ANO10: variants seen among roughly 807,000 people sequenced by gnomAD.
ANO10 encodes anoctamin-10.
ANO10 carries 77 observed loss-of-function variants against 74.7 expected under a neutral mutation model. The ratio of observed to expected loss-of-function variants is 1.03; its 90% CI spans 0.86 to 1.25. The LOEUF is 1.25. ANO10 is among the 50% of genes most tolerant of loss of function. ANO10 has a pLI of 0.00. For missense variants in ANO10, 721 were observed against 778.1 expected (o/e 0.93, Z 0.87); for synonymous variants, 279 against 284.9 (o/e 0.98, Z 0.21).
chr3:43,428,374 T>C (rs184501315), intron 12 of ANO10, among the ~76,000 whole-genome samples: 1 of 151,964 alleles, frequency 6.6e-6, no homozygotes, highest in African/African-American at 2.4e-5. Context: ...AATTCTCAGA[T>C]TGATAATTAA....
intron 1 of ANO10, among the ~76,000 whole-genome samples, chr3:43,682,395 C>T (rs529949975): frequency 6.6e-6 from 1 of 152,194 alleles, no homozygotes; most frequent in South Asian, 2.1e-4. Flanking sequence ...AGTTGAATCT[C>T]TGAATAGACC....
chr3:43,387,072 C>CA (rs1309084488), intron 12 of ANO10, among the ~76,000 whole-genome samples: 2 of 152,162 alleles, frequency 1.3e-5, no homozygotes, highest in African/African-American at 4.8e-5. Flanking sequence ...GTTGCACTGT[C>CA]AACATCACAG....
intron 11 of ANO10, among the ~76,000 whole-genome samples, chr3:43,448,389 T>C (rs961621093): frequency 6.6e-6 from 1 of 152,214 alleles, no homozygotes; most frequent in Non-Finnish European, 1.5e-5. Context: ...ACTGATCTTT[T>C]TACTGTCTCT....
chr3:43,415,521 T>C (rs2092724345), intron 12 of ANO10, among the ~76,000 whole-genome samples: 1 of 151,846 alleles, frequency 6.6e-6, no homozygotes, highest in African/African-American at 2.4e-5. Context: ...AAAATGACAG[T>C]TCTTATTTTT....
chr3:43,492,033 G>A (rs1419393685), intron 11 of ANO10, among the ~76,000 whole-genome samples: 1 of 152,030 alleles, frequency 6.6e-6, no homozygotes, highest in Non-Finnish European at 1.5e-5. Flanking sequence ...AAAGACCAAA[G>A]GTAGATAAAA....
intron 12 of ANO10, among the ~76,000 whole-genome samples, chr3:43,394,719 T>C (rs768307403): frequency 3.3e-5 from 5 of 152,180 alleles, no homozygotes; most frequent in Non-Finnish European, 7.3e-5. Flanking sequence ...GAAGGCCACC[T>C]TGAGCTGCCC....
At chr3:43,368,678 T>C (rs979403421) in intron 12 of ANO10, among the ~76,000 whole-genome samples, 3 of 151,960 alleles carry the variant, frequency 2.0e-5, no homozygotes, top group African/African-American at 7.3e-5. Context: ...GTAAGACTTT[T>C]AAAATGTCTT....
chr3:43,431,141 T>C lies in ANO10; in HGVS notation c.1914+1470A>G, dbSNP rs995932068. 2.0e-5 allele frequency among the ~76,000 whole-genome samples: 3 copies of C among 151,732 alleles called. No individual in the cohort carries two copies. In the East Asian group the frequency reaches 5.8e-4, roughly 29 times the overall value. On this transcript the variant is annotated intron_variant, in intron 12 of 12. Coordinates refer to ENST00000292246, the MANE Select transcript of ANO10 (RefSeq NM_018075.5). ...AGGCGGGAGTGCAGTGGCATGATCA[T>C]GGCTCATTACAGCCTTGACCTTCTA...
chr3:43,410,345 G>A (rs1475303673), intron 12 of ANO10, among the ~76,000 whole-genome samples: 1 of 152,004 alleles, frequency 6.6e-6, no homozygotes, highest in Non-Finnish European at 1.5e-5. Flanking sequence ...TGAATTCCCG[G>A]GCTTAAGAGA....
At chr3:43,609,052 G>A (rs1184586388) in intron 1 of ANO10, among the ~76,000 whole-genome samples, 1 of 152,064 alleles carries the variant, frequency 6.6e-6, no homozygotes, top group Admixed American at 6.6e-5. Context: ...CTACATATAA[G>A]ACACTGTATT....
chr3:43,643,393 T>C (rs929895886), intron 1 of ANO10, among the ~76,000 whole-genome samples: 1 of 151,878 alleles, frequency 6.6e-6, no homozygotes, highest in Admixed American at 6.5e-5. Flanking sequence ...TTAGCACATA[T>C]GTAATTTTGC....
chr3:43,425,806 A>G (rs1326728688), intron 12 of ANO10, among the ~76,000 whole-genome samples: 1 of 152,156 alleles, frequency 6.6e-6, no homozygotes, highest in African/African-American at 2.4e-5. Flanking sequence ...ATGGTTCCAC[A>G]ATACTATCTC....
At chr3:43,485,296 G>T in intron 11 of ANO10, 1 of 576,918 alleles carries the variant, frequency 1.7e-6, no homozygotes, top group Non-Finnish European at 3.1e-6. Flanking sequence ...TCGCAGACCC[G>T]CTGCTGACTT....
At chr3:43,672,518 G>A (rs1212859333) in intron 1 of ANO10, among the ~76,000 whole-genome samples, 1 of 152,090 alleles carries the variant, frequency 6.6e-6, no homozygotes, top group Non-Finnish European at 1.5e-5. Context: ...GTGACAGAGC[G>A]AAACCCTGCC....
At chr3:43,382,354 C>T (rs2091985641) in intron 12 of ANO10, among the ~76,000 whole-genome samples, 1 of 151,930 alleles carries the variant, frequency 6.6e-6, no homozygotes, top group Non-Finnish European at 1.5e-5. Context: ...CCCGTCTCTA[C>T]TAAAAATACA....
At chr3:43,529,558 T>C (rs1575351716) in intron 11 of ANO10, among the ~76,000 whole-genome samples, 1 of 152,088 alleles carries the variant, frequency 6.6e-6, no homozygotes, top group East Asian at 1.9e-4. Flanking sequence ...AGATGACTGA[T>C]GGCAAGCAAC....
intron 11 of ANO10, among the ~76,000 whole-genome samples, chr3:43,514,152 G>C (rs1004804479): frequency 9.9e-5 from 15 of 151,712 alleles, no homozygotes; most frequent in Admixed American, 8.5e-4. Context: ...TCAATAATCA[G>C]ATTAAATATA....
chr3:43,407,896 G>A (rs998917180), intron 12 of ANO10, among the ~76,000 whole-genome samples: 1 of 152,218 alleles, frequency 6.6e-6, no homozygotes, highest in Non-Finnish European at 1.5e-5. Flanking sequence ...GGATGAGGCT[G>A]CAAGCACAGC....
intron 1 of ANO10, among the ~76,000 whole-genome samples, chr3:43,650,919 C>T (rs2083780172): frequency 6.6e-6 from 1 of 152,154 alleles, no homozygotes; most frequent in African/African-American, 2.4e-5. Flanking sequence ...TGTTAATTTC[C>T]TTTCATAAGG....
Sources: gnomAD v4.1 joint callset for allele counts (sites outside exome capture counted in the v4.1 genomes callset) on GRCh38, gnomAD v4.1.1 for gene constraint, MANE v1.5 for transcripts, NCBI Gene and HGNC (gene_info 2026-07-23, HGNC 2026-07-21) for gene names.